FRMPD4: variants seen among roughly 807,000 people sequenced by gnomAD.
FRMPD4 encodes the protein FERM and PDZ domain containing 4, also known as FERM and PDZ domain-containing protein 4.
Under a neutral mutation model 94.1 loss-of-function variants are expected in FRMPD4, and 22 were observed. The observed-to-expected ratio is 0.23, with a 90% CI of 0.17 to 0.33. FRMPD4 has a LOEUF of 0.33. Among genes scored for constraint, FRMPD4 ranks in the 10% least tolerant of loss-of-function variants. The pLI is 1.00. For synonymous variants in FRMPD4, 631 were observed against 548.6 expected (o/e 1.15, Z -2.10); for missense variants, 1,111 against 1,339.9 (o/e 0.83, Z 2.67).
intron 8 of FRMPD4, among the ~76,000 whole-genome samples, chrX:12,693,500 T>C (rs2060097665): frequency 8.9e-6 from 1 of 112,208 alleles, no homozygotes; most frequent in African/African-American, 3.2e-5. Flanking sequence ...ACCTGTGGTA[T>C]ATTTTAAGCT....
chrX:12,099,274 C>T (rs924493091), intron 3 of FRMPD4, among the ~76,000 whole-genome samples: 10 of 111,505 alleles, frequency 9.0e-5, no homozygotes, highest in Non-Finnish European at 1.9e-4. Context: ...TCCATTTTCT[C>T]TTTCCAACCC....
chrX:12,674,695 T>C (rs1375777338), intron 4 of FRMPD4, among the ~76,000 whole-genome samples, 168 bp from the exon 5 acceptor site: 1 of 112,321 alleles, frequency 8.9e-6, no homozygotes, highest in Non-Finnish European at 1.9e-5. Context: ...TCATTTTGGC[T>C]TTTGTGTGGT....
chrX:12,636,269 T>C (rs1207306297), intron 4 of FRMPD4, among the ~76,000 whole-genome samples: 2 of 111,958 alleles, frequency 1.8e-5, no homozygotes, highest in Non-Finnish European at 3.8e-5. Context: ...ATCTCTTTTT[T>C]ATTGTCTTTG....
chrX:12,595,726 G>A (rs1290180006), intron 2 of FRMPD4, among the ~76,000 whole-genome samples: 1 of 111,975 alleles, frequency 8.9e-6, no homozygotes, highest in Non-Finnish European at 1.9e-5. Flanking sequence ...AACTTGGTTT[G>A]AACTCTAAAT....
intron 1 of FRMPD4, among the ~76,000 whole-genome samples, chrX:12,438,236 A>G (rs2057092302): frequency 9.0e-6 from 1 of 110,925 alleles, no homozygotes; most frequent in South Asian, 3.8e-4. Context: ...AAGCAGACAC[A>G]ACACACAAAG....
At chrX:12,512,253 G>A (rs2058050886) in intron 2 of FRMPD4, among the ~76,000 whole-genome samples, 1 of 112,349 alleles carries the variant, frequency 8.9e-6, no homozygotes, top group Non-Finnish European at 1.9e-5. Context: ...TACATGTGTA[G>A]GACATGCAGG....
At chrX:12,342,124 A>G (rs1415411016) in intron 1 of FRMPD4, among the ~76,000 whole-genome samples, 1 of 112,347 alleles carries the variant, frequency 8.9e-6, no homozygotes, top group Non-Finnish European at 1.9e-5. Context: ...TTCGTTCAAC[A>G]AACATTTAGT....
chrX:12,413,972 C>T (rs2056767176), intron 1 of FRMPD4, among the ~76,000 whole-genome samples: 1 of 112,375 alleles, frequency 8.9e-6, no homozygotes, highest in Non-Finnish European at 1.9e-5. Context: ...TCAATTAAAG[C>T]CCATAGGGCT....
intron 3 of FRMPD4, among the ~76,000 whole-genome samples, chrX:11,916,110 G>A (rs950148454): frequency 1.4e-4 from 15 of 110,765 alleles, no homozygotes; most frequent in Non-Finnish European, 2.8e-4. Flanking sequence ...AAATGAAGAA[G>A]GGAAGTGGAT....
At chrX:12,304,460 C>T (rs1432310682) in intron 1 of FRMPD4, among the ~76,000 whole-genome samples, 2 of 111,217 alleles carry the variant, frequency 1.8e-5, no homozygotes, top group Non-Finnish European at 3.8e-5. Flanking sequence ...CAGTCAGAAA[C>T]GTCTACAGAC....
rs188448789 is a variant in FRMPD4, at chrX:12,109,780, T to C, written c.95+231762T>C. 7.5e-4 allele frequency among the ~76,000 whole-genome samples: 84 copies of C among 112,048 alleles called. 1 individual carries two copies. The East Asian group carries it at 0.02, about 27-fold the overall frequency. On this transcript the variant is annotated intron_variant, in intron 3 of 18. Transcript: ENST00000640291. ...AGAAATACAAACTACCATCAGAGAATACTATAAACACCTCTATGCAAATAA... is the reference window on the plus strand; with the variant it reads ...AGAAATACAAACTACCATCAGAGAACACTATAAACACCTCTATGCAAATAA...
intron 1 of FRMPD4, among the ~76,000 whole-genome samples, chrX:12,195,776 G>A (rs1242561626): frequency 8.9e-6 from 1 of 111,888 alleles, no homozygotes; most frequent in Non-Finnish European, 1.9e-5. Flanking sequence ...AGTCCTGCTA[G>A]GTTAACACTT....
chrX:12,719,820 TA>T (rs2042184392), intron 16 of FRMPD4, among the ~76,000 whole-genome samples: 1 of 110,304 alleles, frequency 9.1e-6, no homozygotes, highest in African/African-American at 3.3e-5. Flanking sequence ...AGATGGGGAT[TA>T]TTTGCTTCAC....
At chrX:12,249,588 A>G (rs1342659990) in intron 1 of FRMPD4, among the ~76,000 whole-genome samples, 2 of 111,206 alleles carry the variant, frequency 1.8e-5, no homozygotes, top group Non-Finnish European at 3.8e-5. Flanking sequence ...GGGGCTAGAA[A>G]CACCATCATT....
At chrX:12,284,175 T>C (rs949760589) in intron 1 of FRMPD4, among the ~76,000 whole-genome samples, 1 of 112,003 alleles carries the variant, frequency 8.9e-6, no homozygotes, top group African/African-American at 3.2e-5. Context: ...TCTGGAAACT[T>C]TGGGGAAGTA....
At chrX:12,460,854 A>G (rs1411881817) in intron 1 of FRMPD4, among the ~76,000 whole-genome samples, 1 of 111,685 alleles carries the variant, frequency 9.0e-6, no homozygotes, top group Non-Finnish European at 1.9e-5. Context: ...ATACAGTAAG[A>G]TTTTATACTC....
chrX:11,871,437 C>A (rs2053756003), intron 2 of FRMPD4, among the ~76,000 whole-genome samples: 1 of 112,306 alleles, frequency 8.9e-6, no homozygotes, highest in Non-Finnish European at 1.9e-5. Flanking sequence ...TTGCCCCTAC[C>A]AGGGTGGCCA....
intron 1 of FRMPD4, among the ~76,000 whole-genome samples, chrX:12,367,301 G>A (rs904697770): frequency 1.3e-4 from 15 of 111,998 alleles, no homozygotes; most frequent in African/African-American, 4.2e-4. Flanking sequence ...ACCTCTGGGT[G>A]GGCAGTACTG....
At chrX:12,397,399 G>GA (rs367755950) in intron 1 of FRMPD4, among the ~76,000 whole-genome samples, 2 of 110,953 alleles carry the variant, frequency 1.8e-5, no homozygotes, top group African/African-American at 6.6e-5. Context: ...GTGAGTAAAG[G>GA]AAAAAAAATC....
Sources: gnomAD v4.1 joint callset for allele counts (sites outside exome capture counted in the v4.1 genomes callset) on GRCh38, gnomAD v4.1.1 for gene constraint, MANE v1.5 for transcripts, NCBI Gene and HGNC (gene_info 2026-07-23, HGNC 2026-07-21) for gene names.